C17orf75: variants seen among roughly 807,000 people sequenced by gnomAD.
C17orf75 encodes the protein protein Njmu-R1.
In C17orf75, 32 loss-of-function variants were observed where a neutral mutation model predicts 49.6. That is an observed-to-expected ratio of 0.65 (90% CI 0.49 to 0.87). The LOEUF (loss-of-function observed/expected upper bound fraction) is 0.87, where lower values mean the gene tolerates loss of function less well. C17orf75 is among the 40% of genes least tolerant of loss of function. The pLI, the probability that C17orf75 is intolerant of heterozygous loss-of-function variation, is 0.00. For missense variants in C17orf75, 428 were observed against 473.9 expected (o/e 0.90, Z 0.90); for synonymous variants, 158 against 159.5 (o/e 0.99, Z 0.07).
At chr17:32,335,485 C>G (rs928825711) in intron 5 of C17orf75, 43 bp from the exon 6 acceptor site, 1 of 1,595,590 alleles carries the variant, frequency 6.3e-7, no homozygotes. Context: ...ATAAGCCTTT[C>G]CTTTAGTGGA....
Position 32,330,341 on chromosome 17 carries a change from G to GAA in C17orf75, c.*1420_*1421dup, listed in dbSNP as rs1167514032. 2 of 152,186 alleles carry GAA rather than the reference G, an allele frequency of 1.3e-5. No individual in the cohort carries two copies. Among genetic ancestry groups the GAA allele is most frequent in the African/African-American group, 4.8e-5 (2 of 41,438 alleles). The allele number at this position is 152,186 out of a possible 1,614,324, so 9.4% of individuals were successfully genotyped here. On this transcript the variant is annotated 3_prime_UTR_variant, in exon 10 of 10. Coordinates refer to ENST00000577809, the MANE Select transcript of C17orf75 (RefSeq NM_022344.4). The stretch of plus-strand genomic sequence containing the variant: ...GCAGAAGGCCATTGTCAGTCATTTT[G>GAA]AAAGTTAAAACTCAGCACTTAATGT...
At chr17:32,349,306 G>A (rs1479480038) in intron 1 of C17orf75, among the ~76,000 whole-genome samples, 3 of 152,044 alleles carry the variant, frequency 2.0e-5, no homozygotes, top group South Asian at 2.1e-4. Context: ...TCTTATGTCG[G>A]GCGCAGCGGC....
chr17:32,340,794 A>G (rs2041372249), intron 2 of C17orf75: 1 of 180,850 alleles, frequency 5.5e-6, no homozygotes, highest in African/African-American at 2.4e-5. Context: ...TACCAGAAAT[A>G]CAAAAATTAG....
upstream of C17orf75, chr17:32,344,213 G>A (rs2041407109): frequency 2.9e-5 from 12 of 413,690 alleles, no homozygotes; most frequent in Non-Finnish European, 4.8e-5. Flanking sequence ...TGCTCAGGCT[G>A]GTCTTGAACT....
intron 8 of C17orf75, among the ~76,000 whole-genome samples, chr17:32,333,730 A>C (rs2041299122): frequency 6.6e-6 from 1 of 152,030 alleles, no homozygotes; most frequent in South Asian, 2.1e-4. Flanking sequence ...CAGCCTCCCA[A>C]AGTGCTGGGA....
At chr17:32,345,238 G>A (rs1055598093), upstream of C17orf75, among the ~76,000 whole-genome samples, 18 of 149,812 alleles carry the variant, frequency 1.2e-4, no homozygotes, top group East Asian at 1.0e-3. Flanking sequence ...AGCACTTTGG[G>A]AGGCTGAGGC....
chr17:32,344,075 A>G (rs2041406015), upstream of C17orf75: 2 of 589,286 alleles, frequency 3.4e-6, no homozygotes, highest in Non-Finnish European at 6.1e-6. Context: ...ACAGGTCCAT[A>G]TCAAGGAATT....
chr17:32,343,781 C>T (rs369382647), upstream of C17orf75: 62 of 642,840 alleles, frequency 9.6e-5, no homozygotes, highest in East Asian at 1.1e-3. Flanking sequence ...ATTCTGATTG[C>T]GGACAACACA....
intron 1 of C17orf75, among the ~76,000 whole-genome samples, chr17:32,349,280 C>T (rs1042636928): frequency 6.6e-6 from 1 of 152,080 alleles, no homozygotes; most frequent in South Asian, 2.1e-4. Flanking sequence ...CTCCCGTTGA[C>T]TCCTCAAGAA....
upstream of C17orf75, among the ~76,000 whole-genome samples, chr17:32,345,768 G>A (rs1293140586): frequency 6.6e-6 from 1 of 151,992 alleles, no homozygotes; most frequent in African/African-American, 2.4e-5. Flanking sequence ...GGCTGGTCTT[G>A]AACTCCTGAC....
In C17orf75 at chr17:32,335,435, C is replaced by A; in HGVS notation, c.557G>T (p.Gly186Val). The A allele has an allele frequency of 6.2e-7, 1 of 1,613,296 alleles. No individual in the cohort carries two copies. Among genetic ancestry groups the A allele is most frequent in the Non-Finnish European group, 8.5e-7 (1 of 1,179,694 alleles). The change falls in exon 6 of 10, where the codon GGC (glycine) becomes GTC (valine). Residue 186 changes from glycine (G) to valine (V), a missense_variant. Gly to Val is a moderately radical substitution (Grantham distance 109). Transcript: ENST00000577809. ...ATAGGATTTTATGTGACTCTCCAGG[C>A]CCCTTGCCTAAATCAAGAAAGAACA... ...LKNNMNCEAR[G>V]LESHIKSYLS... is the part of the protein sequence containing the mutation.
At chr17:32,342,505 C>T (rs992526692), upstream of C17orf75, among the ~76,000 whole-genome samples, 2 of 152,216 alleles carry the variant, frequency 1.3e-5, no homozygotes, top group African/African-American at 2.4e-5. Context: ...CCCGTTTGAT[C>T]AAAAAGTTAA....
chr17:32,348,162 C>A (rs897266310), intron 1 of C17orf75, among the ~76,000 whole-genome samples: 1 of 151,850 alleles, frequency 6.6e-6, no homozygotes, highest in Admixed American at 6.6e-5. Context: ...GGATTACAGG[C>A]GTGCCCCACC....
At chr17:32,333,395 T>C in intron 9 of C17orf75, 22 bp downstream of exon 9, 1 of 1,556,598 alleles carries the variant, frequency 6.4e-7, no homozygotes, top group East Asian at 2.2e-5. Context: ...ATGTGGCACT[T>C]GGCACACAGC....
intron 1 of C17orf75, 35 bp from the exon 2 acceptor site, chr17:32,341,319 T>C: frequency 1.2e-6 from 2 of 1,610,768 alleles, no homozygotes; most frequent in Non-Finnish European, 1.7e-6. Context: ...CTATCAATTA[T>C]GGGCTCTAAA....
rs934700075 is a variant in C17orf75, at chr17:32,341,266, C to T, written c.159G>A (p.Gly53=). The change falls in exon 2 of 10, where the codon GGG becomes GGA. Residue 53 remains glycine, a synonymous_variant. Transcript: ENST00000577809. Reference sequence around the variant, plus strand: ...CACTTGGGCTTCCGTCCTCACTGTCCCCTCGTTGCTGTGCCAATCTACAAG... The same window carrying T: ...CACTTGGGCTTCCGTCCTCACTGTCTCCTCGTTGCTGTGCCAATCTACAAG... ...YRGSRLAQQR[G]DSEDGSPSGT... 1.2e-6 allele frequency: 2 copies of T among 1,613,890 alleles called. No individual in the cohort carries two copies. Among genetic ancestry groups the T allele is most frequent in the Non-Finnish European group, 1.7e-6 (2 of 1,179,880 alleles).
chr17:32,349,179 G>C (rs372265803), intron 1 of C17orf75, among the ~76,000 whole-genome samples: 1 of 152,024 alleles, frequency 6.6e-6, no homozygotes, highest in Non-Finnish European at 1.5e-5. Context: ...ATCAGCTCCA[G>C]TCTTACCACG....
intron 2 of C17orf75, 123 bp downstream of exon 2, chr17:32,341,081 G>A: frequency 9.9e-7 from 1 of 1,011,400 alleles, no homozygotes; most frequent in East Asian, 2.4e-5. Context: ...CTAGGGGATA[G>A]GAGGAATTGA....
At position 32,338,228 on chromosome 17, in the gene C17orf75, C is replaced by A; in HGVS notation, c.471G>T (p.Gly157=). 6.2e-7 allele frequency: 1 copy of A among 1,610,958 alleles called. No individual in the cohort carries two copies. The highest frequency in any genetic ancestry group is 8.5e-7 in the Non-Finnish European group (1 of 1,179,250). ...PSEYVVCFLG[G]SEKGLELFRL... ...GATATAGCTCAAGTCCTTTTTCAGA[C>A]CCTCCTAAAAAACAGACCACATATT... Residue 157 remains glycine (G), a synonymous_variant, in exon 4 of 10, where the codon GGG becomes GGT. Transcript: ENST00000577809.
Sources: gnomAD v4.1 joint callset for allele counts (sites outside exome capture counted in the v4.1 genomes callset) on GRCh38, gnomAD v4.1.1 for gene constraint, MANE v1.5 for transcripts, NCBI Gene and HGNC (gene_info 2026-07-23, HGNC 2026-07-21) for gene names.